RMDN2: variants seen among roughly 807,000 people sequenced by gnomAD.
RMDN2 encodes the protein regulator of microtubule dynamics 2, also known as regulator of microtubule dynamics protein 2.
In RMDN2, 61 loss-of-function variants were observed where a neutral mutation model predicts 52.8. The observed-to-expected ratio is 1.16, with a 90% CI of 0.94 to 1.43. The LOEUF is 1.43. Ranked by LOEUF, RMDN2 falls within the 40% of genes most tolerant of loss-of-function variation. RMDN2 has a pLI of 0.00. For missense variants in RMDN2, 592 were observed against 475.3 expected, an observed-to-expected ratio of 1.25 and a Z score of -2.28; for synonymous variants, 180 against 153.1, an observed-to-expected ratio of 1.18 and a Z score of -1.30.
chr2:37,972,335 A>G (rs761103110), intron 2 of RMDN2, among the ~76,000 whole-genome samples: 5 of 152,188 alleles, frequency 3.3e-5, no homozygotes, highest in Non-Finnish European at 7.3e-5. Context: ...AATAAACTAT[A>G]TGAATATCTG....
At chr2:37,979,448 A>G (rs1673011352) in intron 4 of RMDN2, among the ~76,000 whole-genome samples, 1 of 152,192 alleles carries the variant, frequency 6.6e-6, no homozygotes, top group Non-Finnish European at 1.5e-5. Context: ...AGCATGAGGG[A>G]GGAAGTGCAG....
chr2:38,042,426 A>C lies in RMDN2; in HGVS notation c.1714-24556A>C, dbSNP rs200460071. 4.2e-3 allele frequency among the ~76,000 whole-genome samples: 613 copies of C among 144,268 alleles called. 12 individuals carry two copies. The highest frequency in any genetic ancestry group is 0.014 in the African/African-American group (520 of 37,302). The allele number at this position is 144,268 out of a possible 152,430, so 94.6% of individuals were successfully genotyped here. ...CGCCACACACACACACACACACACC[A>C]CACACACACACACACACCACACACA... On this transcript the variant is annotated intron_variant, in intron 10 of 10. Transcript: ENST00000234195.
chr2:38,009,310 G>A (rs571184885), intron 10 of RMDN2, among the ~76,000 whole-genome samples: 1 of 152,144 alleles, frequency 6.6e-6, no homozygotes, highest in Non-Finnish European at 1.5e-5. Flanking sequence ...TTTCCAACTT[G>A]GTTCCATTCT....
At chr2:37,998,525 C>G (rs1219446307) in intron 8 of RMDN2, among the ~76,000 whole-genome samples, 2 of 152,028 alleles carry the variant, frequency 1.3e-5, no homozygotes, top group African/African-American at 4.8e-5. Flanking sequence ...GACCTTATCT[C>G]AAAAATAATA....
At position 38,039,081 on chromosome 2, in the gene RMDN2, CACACACACACACAG is replaced by C. The variant is rs1402681433; in HGVS notation, c.1714-27899_1714-27886del. Among the ~76,000 whole-genome samples, 534 of 81,750 alleles carry C rather than the reference CACACACACACACAG, an allele frequency of 6.5e-3. 3 individuals carry two copies. The highest frequency in any genetic ancestry group is 0.033 in the African/African-American group (515 of 15,660). The allele number at this position is 81,750 out of a possible 152,430, so 53.6% of individuals were successfully genotyped here. On this transcript the variant is annotated intron_variant, in intron 10 of 10. Coordinates refer to the RMDN2 transcript ENST00000234195. ...ACACACACACACACACACACACACACACACACACACACAGAGAGAGAGATAAAATGTTCATGGAT... is the reference window on the plus strand; with the variant it reads ...ACACACACACACACACACACACACACAGAGAGAGATAAAATGTTCATGGAT...
downstream of RMDN2, among the ~76,000 whole-genome samples, chr2:38,021,528 C>T (rs1558564088): frequency 1.3e-5 from 2 of 152,270 alleles, no homozygotes; most frequent in East Asian, 3.9e-4. Context: ...GACCACAAAC[C>T]CACCAGAAGG....
chr2:38,014,330 C>G (rs560829386), intron 10 of RMDN2, among the ~76,000 whole-genome samples: 1 of 152,314 alleles, frequency 6.6e-6, no homozygotes, highest in Admixed American at 6.5e-5. Context: ...TATTTCTACT[C>G]TTTTGACTCT....
intron 2 of RMDN2, among the ~76,000 whole-genome samples, chr2:37,942,588 C>G (rs1028954126): frequency 6.6e-6 from 1 of 152,148 alleles, no homozygotes; most frequent in African/African-American, 2.4e-5. Flanking sequence ...TTTATATTGT[C>G]AGACTTTTTC....
intron 2 of RMDN2, among the ~76,000 whole-genome samples, chr2:37,933,340 C>A (rs199509087): frequency 0.14 from 21,322 of 151,940 alleles, 2,410 homozygotes; most frequent in East Asian, 0.61. Flanking sequence ...GGCGGCCAGG[C>A]GGAGACGCTC....
chr2:38,050,923 G>A (rs538091572), intron 10 of RMDN2, among the ~76,000 whole-genome samples: 25 of 152,164 alleles, frequency 1.6e-4, no homozygotes, highest in African/African-American at 5.1e-4. Flanking sequence ...TACTACGCCC[G>A]GCTAATTTTT....
At chr2:38,066,858 A>G in intron 10 of RMDN2, 1 of 765,302 alleles carries the variant, frequency 1.3e-6, no homozygotes, top group Non-Finnish European at 2.3e-6. Flanking sequence ...CTGGAAAACT[A>G]GTGAGTATTC....
Position 38,011,150 on chromosome 2 carries a change from C to T in RMDN2, c.1180-6036C>T, listed in dbSNP as rs112125127. Among the ~76,000 whole-genome samples the T allele has an allele frequency of 7.0e-3, 1,069 of 152,268 alleles. 11 individuals are homozygous for T. Among genetic ancestry groups the T allele is most frequent in the African/African-American group, 0.02 (824 of 41,536 alleles). On this transcript the variant is annotated intron_variant, in intron 10 of 10. Transcript: ENST00000354545. ...AGGGGAGTGACCATGGGTTGCCATC[C>T]TCAGTCCTCAATTCACAGCAGGTGT...
chr2:37,958,620 A>C (rs1669797344), intron 2 of RMDN2, among the ~76,000 whole-genome samples: 1 of 150,862 alleles, frequency 6.6e-6, no homozygotes, highest in Admixed American at 6.6e-5. Context: ...GTATTTGAGT[A>C]TGCTTTATTT....
At chr2:37,997,648 A>T in intron 8 of RMDN2, 134 bp downstream of exon 8, 1 of 647,102 alleles carries the variant, frequency 1.5e-6, no homozygotes, top group Non-Finnish European at 2.7e-6. Flanking sequence ...GTTCTGTTTT[A>T]AGCCCCTCAT....
chr2:37,923,530 C>T (rs1243348886), upstream of RMDN2, among the ~76,000 whole-genome samples: 9 of 152,168 alleles, frequency 5.9e-5, no homozygotes, highest in Admixed American at 5.9e-4. Flanking sequence ...AAGAGACAGT[C>T]ATGTTTCTTT....
intron 6 of RMDN2, 56 bp from the exon 7 acceptor site, chr2:37,991,164 C>A: frequency 3.1e-6 from 3 of 962,738 alleles, no homozygotes; most frequent in South Asian, 1.6e-5. Context: ...TGGTGTAGTT[C>A]CAGTCAACAA....
chr2:38,007,657 C>G (rs1265380220), intron 10 of RMDN2, among the ~76,000 whole-genome samples: 1 of 152,210 alleles, frequency 6.6e-6, no homozygotes, highest in African/African-American at 2.4e-5. Flanking sequence ...AAAAAATCAG[C>G]TCCTGGATTC....
intron 10 of RMDN2, among the ~76,000 whole-genome samples, chr2:38,025,928 T>G (rs527766865): frequency 6.6e-6 from 1 of 152,130 alleles, no homozygotes; most frequent in African/African-American, 2.4e-5. Flanking sequence ...AAAGTCTTTT[T>G]CTGGTTTTGG....
upstream of RMDN2, among the ~76,000 whole-genome samples, chr2:37,924,413 T>C (rs567891745): frequency 1.8e-4 from 27 of 152,390 alleles, no homozygotes; most frequent in African/African-American, 4.6e-4. Flanking sequence ...TCACCCAGGC[T>C]GGAGTGCGGT....
Sources: allele counts gnomAD v4.1 joint callset (sites outside exome capture counted in the v4.1 genomes callset), GRCh38; gene constraint gnomAD v4.1.1; transcripts MANE v1.5; gene names NCBI Gene and HGNC (gene_info 2026-07-23, HGNC 2026-07-21).